KLF8: variants seen among roughly 807,000 people sequenced by gnomAD.
KLF8 encodes the protein KLF transcription factor 8, also known as Krueppel-like factor 8.
In KLF8, 10 loss-of-function variants were observed where a neutral mutation model predicts 18.2. That is an observed-to-expected ratio of 0.55 (90% CI 0.34 to 0.93). The LOEUF (loss-of-function observed/expected upper bound fraction) is 0.93. Among genes scored for constraint, KLF8 ranks in the 40% least tolerant of loss-of-function variants. The pLI is 0.02. For missense variants in KLF8, 264 were observed against 277.9 expected (o/e 0.95, Z 0.36); for synonymous variants, 109 against 97.3 (o/e 1.12, Z -0.71).
At chrX:56,135,152 C>T in the KLF8 span, among the ~76,000 whole-genome samples, 3,557 of 110,826 alleles carry the variant, frequency 0.032, 158 homozygotes, top group African/African-American at 0.11. Flanking sequence ...GTGATTCCTC[C>T]GGGATCTAGA....
chrX:56,053,351 A>G, the KLF8 span, among the ~76,000 whole-genome samples: 12,810 of 111,161 alleles, frequency 0.12, 1,296 homozygotes, highest in African/African-American at 0.33. Context: ...TTTTAATTCT[A>G]TGAATAAAAT....
chrX:56,201,283 A>C, the KLF8 span, among the ~76,000 whole-genome samples: 2 of 112,212 alleles, frequency 1.8e-5, no homozygotes, highest in Non-Finnish European at 3.8e-5. Context: ...CACCCTTTAA[A>C]AAGAAGTAAA....
the KLF8 span, among the ~76,000 whole-genome samples, chrX:56,033,222 T>A: frequency 0.53 from 58,369 of 110,086 alleles, 13,749 homozygotes; most frequent in East Asian, 0.76. Context: ...TACTCTCTAT[T>A]TCTTTGATTT....
chrX:56,066,546 G>A, the KLF8 span, among the ~76,000 whole-genome samples: 3 of 111,960 alleles, frequency 2.7e-5, no homozygotes, highest in Admixed American at 1.9e-4. Context: ...TTCAGCACCA[G>A]GTGATTTTTG....
the KLF8 span, among the ~76,000 whole-genome samples, chrX:56,168,687 C>G: frequency 4.9e-5 from 5 of 103,050 alleles, no homozygotes; most frequent in African/African-American, 1.8e-4. Context: ...GTGATGTTCC[C>G]TGTCTTGTGT....
the KLF8 span, among the ~76,000 whole-genome samples, chrX:56,113,305 G>T: frequency 9.5e-6 from 1 of 105,345 alleles, no homozygotes; most frequent in Non-Finnish European, 1.9e-5. Flanking sequence ...TACTTTCATG[G>T]TTTTTTTTTT....
At chrX:55,944,282 C>G in the KLF8 span, among the ~76,000 whole-genome samples, 14 of 108,372 alleles carry the variant, frequency 1.3e-4, no homozygotes, top group Non-Finnish European at 2.5e-4. Flanking sequence ...GGATATTGGT[C>G]TAAAATTCTC....
the KLF8 span, among the ~76,000 whole-genome samples, chrX:56,143,752 A>T: frequency 8.9e-6 from 1 of 112,097 alleles, no homozygotes; most frequent in South Asian, 3.7e-4. Context: ...AAAATAAGAC[A>T]GGGAGAAAGA....
chrX:55,934,634 T>A, the KLF8 span, among the ~76,000 whole-genome samples: 1 of 112,668 alleles, frequency 8.9e-6, no homozygotes, highest in African/African-American at 3.2e-5. Context: ...CCCTAATGTC[T>A]AACTCCTCTA....
chrX:56,147,701 G>A, the KLF8 span, among the ~76,000 whole-genome samples: 5 of 111,996 alleles, frequency 4.5e-5, no homozygotes, highest in Admixed American at 4.7e-4. Flanking sequence ...ATAGAATGCC[G>A]AGCATGGTGG....
At chrX:56,076,514 C>T in the KLF8 span, among the ~76,000 whole-genome samples, 25 of 111,002 alleles carry the variant, frequency 2.3e-4, no homozygotes, top group Admixed American at 1.2e-3. Context: ...TGTATATGTG[C>T]CACATTTTCT....
the KLF8 span, among the ~76,000 whole-genome samples, chrX:56,101,331 C>T: frequency 5.5e-4 from 62 of 111,897 alleles, no homozygotes; most frequent in Non-Finnish European, 1.0e-3. Flanking sequence ...TATAATTACA[C>T]GGTCTATATG....
chrX:56,161,285 G>C, the KLF8 span, among the ~76,000 whole-genome samples: 1 of 111,293 alleles, frequency 9.0e-6, no homozygotes, highest in African/African-American at 3.3e-5. Flanking sequence ...GCTTCCCTTT[G>C]TGGGTAACCC....
the KLF8 span, among the ~76,000 whole-genome samples, chrX:56,173,127 T>G: frequency 6.3e-5 from 7 of 111,771 alleles, no homozygotes; most frequent in African/African-American, 2.0e-4. Flanking sequence ...GTCAATTTTG[T>G]CTTTTGTTGC....
chrX:56,004,284 A>C, the KLF8 span, among the ~76,000 whole-genome samples: 2 of 112,283 alleles, frequency 1.8e-5, no homozygotes, highest in African/African-American at 6.5e-5. Flanking sequence ...ACAGATGTTG[A>C]CTGTTATTAT....
At chrX:56,145,996 T>C in the KLF8 span, among the ~76,000 whole-genome samples, 1 of 112,164 alleles carries the variant, frequency 8.9e-6, no homozygotes, top group Non-Finnish European at 1.9e-5. Flanking sequence ...GAAATACACA[T>C]CAAAACCACA....
the KLF8 span, among the ~76,000 whole-genome samples, chrX:56,051,638 G>C: frequency 9.0e-6 from 1 of 111,092 alleles, no homozygotes; most frequent in South Asian, 3.7e-4. Flanking sequence ...TGAGAGATCC[G>C]CTGTTCATCT....
the KLF8 span, among the ~76,000 whole-genome samples, chrX:56,156,825 T>A: frequency 2.8e-5 from 3 of 105,926 alleles, no homozygotes; most frequent in South Asian, 1.4e-3. Flanking sequence ...TGTTTAGTTT[T>A]TTGTCCTTGT....
chrX:56,166,076 G>A, the KLF8 span, among the ~76,000 whole-genome samples: 2 of 108,969 alleles, frequency 1.8e-5, no homozygotes, highest in Non-Finnish European at 3.8e-5. Flanking sequence ...AAGTAAAACA[G>A]CATTCAATAA....
Sources: allele counts gnomAD v4.1 joint callset (sites outside exome capture counted in the v4.1 genomes callset), GRCh38; gene constraint gnomAD v4.1.1; transcripts MANE v1.5; gene names NCBI Gene and HGNC (gene_info 2026-07-23, HGNC 2026-07-21).